The following LARS2 variants were observed in gnomAD, a reference collection of about 807,000 sequenced individuals.
LARS2 encodes leucine--tRNA ligase, mitochondrial.
LARS2 carries 81 observed loss-of-function variants against 116.6 expected under a neutral mutation model. The ratio of observed to expected loss-of-function variants is 0.69; its 90% CI spans 0.58 to 0.84. LARS2 has a LOEUF of 0.84. Among genes scored for constraint, LARS2 ranks in the 40% least tolerant of loss-of-function variants. LARS2 has a pLI of 0.00. For synonymous variants in LARS2, 396 were observed against 407.2 expected, an observed-to-expected ratio of 0.97 and a Z score of 0.33; for missense variants, 968 against 1,114.5, an observed-to-expected ratio of 0.87 and a Z score of 1.87.
chr3:45,515,975 G>C, intron 16 of LARS2, 119 bp from the exon 17 acceptor site: 1 of 712,488 alleles, frequency 1.4e-6, no homozygotes, highest in Non-Finnish European at 2.3e-6. Flanking sequence ...AAGTGAATTA[G>C]TGTGATTCTT....
At chr3:45,523,213 A>G (rs954145909) in intron 19 of LARS2, among the ~76,000 whole-genome samples, 44 of 152,356 alleles carry the variant, frequency 2.9e-4, no homozygotes, top group African/African-American at 1.0e-3. Flanking sequence ...GCTAAACACA[A>G]CTATGTTTGC....
At position 45,462,312 on chromosome 3, in the gene LARS2, G is replaced by A. The variant is rs113867335; in HGVS notation, c.750+3426G>A. Among the ~76,000 whole-genome samples the A allele has an allele frequency of 7.6e-3, 1,163 of 152,132 alleles. 19 individuals carry two copies. The highest frequency in any genetic ancestry group is 0.025 in the African/African-American group (1,057 of 41,476). On this transcript the variant is annotated intron_variant, in intron 8 of 21. Transcript: ENST00000645846. ...AACAGGAAGAAAAGGGCTGGGTACC[G>A]TGGCTCATGCCTGTAATCTCAGCAC...
chr3:45,466,668 G>T lies in LARS2; in HGVS notation c.751-7575G>T, dbSNP rs75523748. ...ATATAATTGAGGTGCCAAGAGCAGG[G>T]AAGGGCCAGAACCCAACTTGGGTCT... On this transcript the variant is annotated intron_variant, in intron 8 of 21. Coordinates refer to ENST00000645846, the MANE Select transcript of LARS2 (RefSeq NM_015340.4). Among the ~76,000 whole-genome samples, 360 of 152,156 alleles carry T rather than the reference G, an allele frequency of 2.4e-3. 1 individual carries two copies. The highest frequency in any genetic ancestry group is 8.3e-3 in the African/African-American group (343 of 41,512).
chr3:45,469,579 C>T (rs1480907766), intron 8 of LARS2, among the ~76,000 whole-genome samples: 1 of 151,818 alleles, frequency 6.6e-6, no homozygotes, highest in African/African-American at 2.4e-5. Flanking sequence ...CTCCTGACCT[C>T]GTGATCCGCC....
chr3:45,429,960 C>T (rs1252883384), intron 6 of LARS2, among the ~76,000 whole-genome samples: 1 of 145,066 alleles, frequency 6.9e-6, no homozygotes, highest in African/African-American at 2.5e-5. Context: ...CCTCAGGCTC[C>T]CAAAGTGCTG....
chr3:45,421,920 C>T lies in LARS2; in HGVS notation c.516+2191C>T, dbSNP rs1362497583. On this transcript the variant is annotated intron_variant, in intron 6 of 21. Transcript: ENST00000645846. The stretch of plus-strand genomic sequence containing the variant: ...CATGACTGTGTGGCTAACTGGGAGC[C>T]GAGGCTCAGTTTTGCTGCCCAGCAT... 3.9e-5 allele frequency: 6 copies of T among 152,150 alleles called. No homozygotes were observed. In the East Asian group the frequency reaches 7.7e-4, roughly 20 times the overall value. 9.4% of individuals were successfully genotyped at this position (152,150 alleles called of 1,614,324 possible). A position where few individuals can be genotyped will look rare whatever the true frequency, so the allele number is the denominator to read the frequency against.
intron 6 of LARS2, among the ~76,000 whole-genome samples, chr3:45,445,278 C>T (rs539134078): frequency 6.6e-6 from 1 of 152,316 alleles, no homozygotes; most frequent in African/African-American, 2.4e-5. Flanking sequence ...CCAAACATAG[C>T]TCCTGCCCTG....
chr3:45,433,672 C>T (rs1698757318), intron 6 of LARS2, among the ~76,000 whole-genome samples: 1 of 152,246 alleles, frequency 6.6e-6, no homozygotes, highest in African/African-American at 2.4e-5. Context: ...GTATTTACCC[C>T]TATTTTTGCA....
intron 4 of LARS2, among the ~76,000 whole-genome samples, chr3:45,411,253 A>T (rs936301339): frequency 6.6e-6 from 1 of 152,220 alleles, no homozygotes; most frequent in African/African-American, 2.4e-5. Context: ...GCATTTATTC[A>T]GCACACATTC....
At chr3:45,425,323 G>T (rs2125691099) in intron 6 of LARS2, among the ~76,000 whole-genome samples, 1 of 152,252 alleles carries the variant, frequency 6.6e-6, no homozygotes, top group South Asian at 2.1e-4. Context: ...TCAATTTGGA[G>T]CTTTATCAGC....
chr3:45,468,467 C>G (rs888600666), intron 8 of LARS2, among the ~76,000 whole-genome samples: 1 of 152,230 alleles, frequency 6.6e-6, no homozygotes, highest in African/African-American at 2.4e-5. Context: ...CCTCCCTCTC[C>G]TGTGGAAGCC....
In LARS2 at chr3:45,446,927, A is replaced by T. The variant is rs1179973977; in HGVS notation, c.553A>T (p.Thr185Ser). 1 of 1,611,772 alleles carries T rather than the reference A, an allele frequency of 6.2e-7. No homozygotes were observed. Among genetic ancestry groups the T allele is most frequent in the East Asian group, 2.2e-5 (1 of 44,832 alleles). Reference sequence around the variant, plus strand: ...GTGTTTGCCAGATTACTACAAGTGGACTCAGTATCTCTTTATTAAACTGTA... The same window carrying T: ...GTGTTTGCCAGATTACTACAAGTGGTCTCAGTATCTCTTTATTAAACTGTA... ...TTCLPDYYKW[T>S]QYLFIKLYEA... The change falls in exon 7 of 22, where the codon ACT becomes TCT. Residue 185 changes from threonine (T) to serine (S), a missense_variant. Coordinates refer to ENST00000645846, the MANE Select transcript of LARS2 (RefSeq NM_015340.4).
chr3:45,459,744 G>A (rs1338345027), intron 8 of LARS2, among the ~76,000 whole-genome samples: 1 of 152,212 alleles, frequency 6.6e-6, no homozygotes, highest in Non-Finnish European at 1.5e-5. Context: ...GAGAGAAATG[G>A]TTAAAGCAAA....
chr3:45,458,822 C>T lies in LARS2; in HGVS notation c.686C>T (p.Ser229Phe). The stretch of plus-strand genomic sequence containing the variant: ...GATGAACATGGCTGTTCATGGCGTT[C>T]TGGAGCAAAGGTGGAACAGAAGTAC... ...QVDEHGCSWR[S>F]GAKVEQKYLR... The change falls in exon 8 of 22, where the codon TCT becomes TTT. Residue 229 changes from serine to phenylalanine, a missense_variant. By Grantham distance (155) the Ser-to-Phe change is radical (BLOSUM62 -2). Coordinates refer to ENST00000645846, the MANE Select transcript of LARS2 (RefSeq NM_015340.4). 3 of 1,614,114 alleles carry T rather than the reference C, an allele frequency of 1.9e-6. No individual in the cohort carries two copies. The highest frequency in any genetic ancestry group is 2.5e-6 in the Non-Finnish European group (3 of 1,179,974).
intron 15 of LARS2, among the ~76,000 whole-genome samples, chr3:45,509,089 A>T (rs1419606934): frequency 4.6e-5 from 7 of 152,114 alleles, no homozygotes. Context: ...ACCTCCAGGG[A>T]TGTACCGAAG....
Position 45,548,522 on chromosome 3 carries a change from G to A in LARS2, c.*992G>A, listed in dbSNP as rs141635331. 2 of 152,394 alleles carry A rather than the reference G, an allele frequency of 1.3e-5. No homozygotes were observed. The highest frequency in any genetic ancestry group is 4.8e-5 in the African/African-American group (2 of 41,586). The allele number at this position is 152,394 out of a possible 1,614,324, so 9.4% of individuals were successfully genotyped here. On this transcript the variant is annotated 3_prime_UTR_variant, in exon 22 of 22. Coordinates refer to ENST00000645846, the MANE Select transcript of LARS2 (RefSeq NM_015340.4). Reference sequence around the variant, plus strand: ...GGAGTGGAACTGAGGCCCCCCAGATGTTGCCTCCGGTGTCCAAGCCACAGC... The same window carrying A: ...GGAGTGGAACTGAGGCCCCCCAGATATTGCCTCCGGTGTCCAAGCCACAGC...
intron 4 of LARS2, among the ~76,000 whole-genome samples, chr3:45,407,772 G>T (rs535568218): frequency 6.6e-6 from 1 of 152,282 alleles, no homozygotes; most frequent in South Asian, 2.1e-4. Flanking sequence ...GGGAGAGAAA[G>T]CTGGTAATCC....
chr3:45,434,196 C>G (rs2125696671), intron 6 of LARS2, among the ~76,000 whole-genome samples: 1 of 152,252 alleles, frequency 6.6e-6, no homozygotes, highest in African/African-American at 2.4e-5. Flanking sequence ...TTACCCTTGC[C>G]TTAGGAGACT....
intron 20 of LARS2, among the ~76,000 whole-genome samples, chr3:45,531,176 A>G (rs1289578029): frequency 2.0e-5 from 3 of 152,134 alleles, no homozygotes; most frequent in Admixed American, 6.5e-5. Context: ...AGTCTTCTTA[A>G]TGTTGTCAAA....
Sources: gnomAD v4.1 joint callset for allele counts (sites outside exome capture counted in the v4.1 genomes callset) on GRCh38, gnomAD v4.1.1 for gene constraint, MANE v1.5 for transcripts, NCBI Gene and HGNC (gene_info 2026-07-23, HGNC 2026-07-21) for gene names.